PCDH15: variants seen among roughly 807,000 people sequenced by gnomAD.
The protein encoded by PCDH15 is protocadherin-15.
PCDH15 carries 129 observed loss-of-function variants against 178.5 expected under a neutral mutation model. The ratio of observed to expected loss-of-function variants is 0.72; its 90% confidence interval spans 0.63 to 0.84. PCDH15 has a LOEUF of 0.84. PCDH15 is among the 40% of genes least tolerant of loss of function. The pLI, the probability that PCDH15 is intolerant of heterozygous loss-of-function variation, is 0.00. For missense variants in PCDH15, 2,230 were observed against 2,099.9 expected (o/e 1.06, Z -1.21); for synonymous variants, 800 against 732.0 (o/e 1.09, Z -1.50).
intron 2 of PCDH15, among the ~76,000 whole-genome samples, chr10:54,642,389 T>C (rs536692152): frequency 1.3e-5 from 2 of 152,348 alleles, no homozygotes; most frequent in African/African-American, 4.8e-5. Flanking sequence ...TATAGCAACC[T>C]AAATGGACTA....
At chr10:55,501,968 TG>T (rs1376936034) in intron 2 of PCDH15, among the ~76,000 whole-genome samples, 12 of 151,764 alleles carry the variant, frequency 7.9e-5, no homozygotes, top group African/African-American at 1.2e-4. Context: ...TATTTAAAAA[TG>T]TTTTTTTTCT....
intron 2 of PCDH15, among the ~76,000 whole-genome samples, chr10:55,021,852 T>C (rs1301520552): frequency 4.6e-5 from 7 of 152,174 alleles, no homozygotes; most frequent in East Asian, 1.9e-4. Context: ...TCTTTTATTA[T>C]AGTAAATTTG....
At chr10:54,730,784 T>C (rs1435923974) in intron 1 of PCDH15, among the ~76,000 whole-genome samples, 2 of 151,344 alleles carry the variant, frequency 1.3e-5, no homozygotes, top group African/African-American at 4.8e-5. Context: ...AATTTAAACC[T>C]GAAACTATGA....
intron 2 of PCDH15, among the ~76,000 whole-genome samples, chr10:55,595,194 A>G (rs1471482140): frequency 6.6e-6 from 1 of 152,080 alleles, no homozygotes; most frequent in East Asian, 1.9e-4. Flanking sequence ...ACATGTAATT[A>G]TAAATTCAAC....
At chr10:53,962,088 C>T (rs1412321975) in intron 21 of PCDH15, among the ~76,000 whole-genome samples, 196 bp from the exon 22 acceptor site, 1 of 151,002 alleles carries the variant, frequency 6.6e-6, no homozygotes, top group African/African-American at 2.4e-5. Flanking sequence ...AATGAAGTAT[C>T]TCTACTACAG....
At chr10:55,060,102 A>C (rs1841393776) in intron 2 of PCDH15, among the ~76,000 whole-genome samples, 1 of 152,088 alleles carries the variant, frequency 6.6e-6, no homozygotes, top group African/African-American at 2.4e-5. Flanking sequence ...GAATACACAT[A>C]AAATAAAGCA....
intron 1 of PCDH15, among the ~76,000 whole-genome samples, chr10:55,176,702 T>A (rs1839497776): frequency 6.6e-6 from 1 of 152,142 alleles, no homozygotes; most frequent in Admixed American, 6.6e-5. Context: ...ATTCATCTTG[T>A]GGTTCCCAAT....
At chr10:54,555,754 A>G (rs980892913) in intron 2 of PCDH15, among the ~76,000 whole-genome samples, 1 of 144,038 alleles carries the variant, frequency 6.9e-6, no homozygotes, top group African/African-American at 2.5e-5. Flanking sequence ...AAAAAAAAAA[A>G]GAAAAGAAAA....
chr10:54,215,729 CTG>C (rs979863811), intron 9 of PCDH15, among the ~76,000 whole-genome samples: 4 of 152,060 alleles, frequency 2.6e-5, no homozygotes, highest in African/African-American at 9.7e-5. Flanking sequence ...AAGTGACAAA[CTG>C]AGAAAACATT....
chr10:55,395,196 TGAGAGAGAGAGAGAGA>T lies in PCDH15; in HGVS notation c.-155-228561_-155-228546del, dbSNP rs55765914. On this transcript the variant is annotated intron_variant, in intron 2 of 5. Coordinates refer to the PCDH15 transcript ENST00000613346. ...GTGTGTGTGTGTGTGTGTGTGTGTG[TGAGAGAGAGAGAGAGA>T]GAGAGAGAGAGAGAGAGAGAAAGAG... Among the ~76,000 whole-genome samples, 869 of 126,706 alleles carry T rather than the reference TGAGAGAGAGAGAGAGA, an allele frequency of 6.9e-3. 13 individuals carry two copies. The highest frequency in any genetic ancestry group is 0.026 in the African/African-American group (809 of 31,468). The allele number at this position is 126,706 out of a possible 152,430, so 83.1% of individuals were successfully genotyped here. A position where few individuals can be genotyped will look rare whatever the true frequency, so the allele number is the denominator to read the frequency against.
In PCDH15 at chr10:54,264,655, G is replaced by GA. The variant is rs758513822; in HGVS notation, c.877-27725dup. ...AAAAACAGACTAGGCCAAGTAGAAG[G>GA]AAAAAATTCATAGCTTGAAGACTGA... is the stretch of plus-strand genomic sequence containing the variant. On this transcript the variant is annotated intron_variant, in intron 8 of 37. Transcript: ENST00000644397. Among the ~76,000 whole-genome samples the GA allele has an allele frequency of 1.6e-4, 25 of 151,936 alleles. No individual in the cohort carries two copies. The East Asian group carries it at 2.5e-3, about 15-fold the overall frequency.
chr10:55,242,265 C>T (rs1841563770), intron 1 of PCDH15, among the ~76,000 whole-genome samples: 1 of 152,104 alleles, frequency 6.6e-6, no homozygotes, highest in Non-Finnish European at 1.5e-5. Flanking sequence ...ATCTTTCTCT[C>T]TGTGCAGCCC....
intron 1 of PCDH15, among the ~76,000 whole-genome samples, chr10:55,292,024 G>A (rs1341980337): frequency 6.6e-6 from 1 of 152,056 alleles, no homozygotes; most frequent in African/African-American, 2.4e-5. Flanking sequence ...TAAGATTTGG[G>A]CAGGAACACA....
chr10:55,584,713 C>G (rs955794289), intron 2 of PCDH15, among the ~76,000 whole-genome samples: 2 of 148,850 alleles, frequency 1.3e-5, no homozygotes, highest in African/African-American at 4.9e-5. Context: ...TCAGCTTTCT[C>G]ATCTCTAAAA....
intron 9 of PCDH15, among the ~76,000 whole-genome samples, chr10:54,217,475 T>C (rs2052224833): frequency 6.6e-6 from 1 of 152,192 alleles, no homozygotes; most frequent in Admixed American, 6.5e-5. Context: ...AGCACATTAT[T>C]ATGTGTCATT....
intron 8 of PCDH15, among the ~76,000 whole-genome samples, chr10:54,259,947 G>C (rs934803357): frequency 6.6e-6 from 1 of 152,098 alleles, no homozygotes; most frequent in African/African-American, 2.4e-5. Context: ...TTTTTCCTAA[G>C]AATTTTAGGG....
At chr10:55,111,625 C>A (rs1837505545) in intron 2 of PCDH15, among the ~76,000 whole-genome samples, 1 of 152,154 alleles carries the variant, frequency 6.6e-6, no homozygotes, top group Admixed American at 6.5e-5. Context: ...AGGCAGATCA[C>A]CTGAGGTGGG....
chr10:54,662,573 A>G (rs7099960), intron 2 of PCDH15, among the ~76,000 whole-genome samples: 1 of 151,938 alleles, frequency 6.6e-6, no homozygotes, highest in South Asian at 2.1e-4. Context: ...ATGCAAATAT[A>G]TTTATAAGAC....
At chr10:55,624,820 C>A (rs80303122) in intron 2 of PCDH15, among the ~76,000 whole-genome samples, 3,214 of 152,056 alleles carry the variant, frequency 0.021, 123 homozygotes, top group African/African-American at 0.074. Flanking sequence ...ACCAGACTCA[C>A]CATTGGGTTC....
Sources: gnomAD v4.1 joint callset for allele counts (sites outside exome capture counted in the v4.1 genomes callset) on GRCh38, gnomAD v4.1.1 for gene constraint, MANE v1.5 for transcripts, NCBI Gene and HGNC (gene_info 2026-07-23, HGNC 2026-07-21) for gene names.